ZNF616: variants seen among roughly 807,000 people sequenced by gnomAD.
ZNF616 encodes zinc finger protein 616.
ZNF616 carries 5 observed loss-of-function variants against 7.6 expected under a neutral mutation model. That is an observed-to-expected ratio of 0.66 (90% CI 0.34 to 1.38). ZNF616 has a LOEUF of 1.38. Ranked by LOEUF, ZNF616 falls within the 40% of genes most tolerant of loss-of-function variation. The pLI, the probability that ZNF616 is intolerant of heterozygous loss-of-function variation, is 0.04. For missense variants in ZNF616, 913 were observed against 948.3 expected (o/e 0.96, Z 0.49); for synonymous variants, 319 against 317.2 (o/e 1.01, Z -0.06).
At chr19:52,131,253 G>C (rs2088957722) in intron 1 of ZNF616, among the ~76,000 whole-genome samples, 1 of 114,344 alleles carries the variant, frequency 8.7e-6, no homozygotes, top group Non-Finnish European at 1.6e-5. Flanking sequence ...GGGCGACAGA[G>C]ACTCTGTCAC....
intron 2 of ZNF616, among the ~76,000 whole-genome samples, chr19:52,124,943 G>C (rs1401738918): frequency 2.6e-5 from 4 of 152,090 alleles, no homozygotes; most frequent in Non-Finnish European, 4.4e-5. Context: ...GAACTCCGTA[G>C]GATAAGCGTT....
chr19:52,124,655 T>C (rs73937273), intron 2 of ZNF616, among the ~76,000 whole-genome samples: 25,729 of 151,986 alleles, frequency 0.17, 2,873 homozygotes, highest in South Asian at 0.32. Context: ...AGAATTAGAG[T>C]TGAATCAAAA....
At position 52,115,714 on chromosome 19, in the gene ZNF616, G is replaced by C; in HGVS notation, c.1450C>G (p.Gln484Glu). 5.0e-6 allele frequency: 8 copies of C among 1,614,072 alleles called. No homozygotes were observed. The highest frequency in any genetic ancestry group is 6.8e-6 in the Non-Finnish European group (8 of 1,180,022). The change falls in exon 4 of 4, where the codon CAG (glutamine) becomes GAG (glutamate). Residue 484 changes from glutamine to glutamate, a missense_variant. Physicochemically the swap from Gln to Glu is conservative, Grantham distance 29. Transcript: ENST00000600228. ...FSIHSRLAAH[Q>E]RIHTGEKPYK... The stretch of plus-strand genomic sequence containing the variant: ...GGTTTCTCTCCAGTATGAATTCTCT[G>C]ATGAGCTGCAAGTCGTGAATGTATG...
At position 52,139,090 on chromosome 19, in the gene ZNF616, A is replaced by G. The variant is rs1161293998; in HGVS notation, c.-77+642T>C. Among the ~76,000 whole-genome samples, 1 of 151,434 alleles carries G rather than the reference A, an allele frequency of 6.6e-6. No homozygotes were observed. Among genetic ancestry groups the G allele is most frequent in the African/African-American group, 2.4e-5 (1 of 41,136 alleles). ...TTTGCCAGTACCTAAATTATCATCC[A>G]TTTTGCCGTGTACTCATTCTTTTCT... On this transcript the variant is annotated intron_variant, in intron 1 of 3. Transcript: ENST00000600228. The surrounding 1 kb of genome is among the most constrained non-coding windows in gnomAD (Gnocchi z 4.1).
chr19:52,124,076 G>T, intron 2 of ZNF616, 27 bp from the exon 3 acceptor site: 1 of 1,583,062 alleles, frequency 6.3e-7, no homozygotes, highest in Non-Finnish European at 8.5e-7. Flanking sequence ...ATTTCAAAAA[G>T]AAGCAATATG....
At position 52,116,097 on chromosome 19, in the gene ZNF616, T is replaced by A. The variant is rs748830511; in HGVS notation, c.1067A>T (p.Asp356Val). ...IHAGKKPYKC[D>V]VCGKAFRHRS... ...ATGTCTGAATGCCTTGCCACATACA[T>A]CACATTTATATGGTTTCTTTCCTGC... Residue 356 changes from aspartate to valine, a missense_variant, in exon 4 of 4, where the codon GAT (aspartate) becomes GTT (valine). By Grantham distance (152) the Asp-to-Val change is radical. Coordinates refer to ENST00000600228, the MANE Select transcript of ZNF616 (RefSeq NM_178523.5). 1.2e-6 allele frequency: 2 copies of A among 1,614,112 alleles called. No homozygotes were observed. Among genetic ancestry groups the A allele is most frequent in the South Asian group, 2.2e-5 (2 of 91,090 alleles).
At position 52,116,034 on chromosome 19, in the gene ZNF616, C is replaced by G; in HGVS notation, c.1130G>C (p.Gly377Ala). Residue 377 changes from glycine to alanine, a missense_variant, in exon 4 of 4, where the codon GGA becomes GCA. By Grantham distance (60) the Gly-to-Ala change is moderately conservative. Transcript: ENST00000600228. Reference sequence around the variant, plus strand: ...TTCATTGCATTTGTATTGTTTCTCTCCACTGTGGATTCTCCGGTGACATAC... The same window carrying G: ...TTCATTGCATTTGTATTGTTTCTCTGCACTGTGGATTCTCCGGTGACATAC... ...NLVCHRRIHS[G>A]EKQYKCNECG... is the part of the protein sequence containing the mutation. 1.2e-6 allele frequency: 2 copies of G among 1,614,198 alleles called. No individual in the cohort carries two copies. The highest frequency in any genetic ancestry group is 1.7e-6 in the Non-Finnish European group (2 of 1,180,042).
At chr19:52,128,649 G>C (rs576058084) in intron 2 of ZNF616, among the ~76,000 whole-genome samples, 1 of 150,848 alleles carries the variant, frequency 6.6e-6, no homozygotes, top group African/African-American at 2.4e-5. Flanking sequence ...GGCTTAGGCA[G>C]AAGAATCGCT....
intron 3 of ZNF616, among the ~76,000 whole-genome samples, chr19:52,118,707 G>A (rs1489460437): frequency 6.6e-6 from 1 of 152,144 alleles, no homozygotes; most frequent in East Asian, 1.9e-4. Flanking sequence ...AAGCCAATAT[G>A]CTATCTCATT....
At chr19:52,120,873 C>G (rs980502415) in intron 3 of ZNF616, among the ~76,000 whole-genome samples, 20 of 152,072 alleles carry the variant, frequency 1.3e-4, no homozygotes, top group African/African-American at 4.8e-4. Flanking sequence ...AAGACTTCAA[C>G]GGACCACTTT....
Position 52,115,000 on chromosome 19 carries a change from A to G in ZNF616, c.2164T>C (p.Cys722Arg), listed in dbSNP as rs2088804559. 7 of 1,614,236 alleles carry G rather than the reference A, an allele frequency of 4.3e-6. No homozygotes were observed. Among genetic ancestry groups the G allele is most frequent in the Non-Finnish European group, 5.1e-6 (6 of 1,180,024 alleles). Residue 722 changes from cysteine (C) to arginine (R), a missense_variant, in exon 4 of 4, where the codon TGT (cysteine) becomes CGT (arginine). By Grantham distance (180) the Cys-to-Arg change is radical. Coordinates refer to ENST00000600228, the MANE Select transcript of ZNF616 (RefSeq NM_178523.5). ...AACAACCGCCCAAAGGCTTTGCCACATTCAATACATTTGTATCTTTTCTCT... is the reference window on the plus strand; with the variant it reads ...AACAACCGCCCAAAGGCTTTGCCACGTTCAATACATTTGTATCTTTTCTCT... ...TGEKRYKCIE[C>R]GKAFGRLFSL...
In ZNF616 at chr19:52,139,088, C is replaced by G. The variant is rs1019476400; in HGVS notation, c.-77+644G>C. Among the ~76,000 whole-genome samples, 1 of 152,160 alleles carries G rather than the reference C, an allele frequency of 6.6e-6. No individual in the cohort carries two copies. The highest frequency in any genetic ancestry group is 1.5e-5 in the Non-Finnish European group (1 of 68,042). ...TCTTTGCCAGTACCTAAATTATCAT[C>G]CATTTTGCCGTGTACTCATTCTTTT... is the stretch of plus-strand genomic sequence containing the variant. On this transcript the variant is annotated intron_variant, in intron 1 of 3. Coordinates refer to ENST00000600228, the MANE Select transcript of ZNF616 (RefSeq NM_178523.5). The surrounding 1 kb of genome is among the most constrained non-coding windows in gnomAD (Gnocchi z 4.1).
At position 52,130,544 on chromosome 19, in the gene ZNF616, T is replaced by C. The variant is rs777815978; in HGVS notation, c.-32A>G. The C allele has an allele frequency of 2.8e-5, 44 of 1,599,444 alleles. No individual in the cohort carries two copies. In the South Asian group the frequency reaches 4.6e-4, roughly 17 times the overall value. ...CTCCTTTTCCTTCCTCTTCTTCCTC[T>C]TCTGGGTTTCTTTCTCAGTCAATGT... On this transcript the variant is annotated 5_prime_UTR_variant, in exon 2 of 4. Coordinates refer to ENST00000600228, the MANE Select transcript of ZNF616 (RefSeq NM_178523.5).
rs909418362 is a variant in ZNF616, at chr19:52,113,581, G to A, written c.*1237C>T. On this transcript the variant is annotated 3_prime_UTR_variant, in exon 4 of 4. Coordinates refer to ENST00000600228, the MANE Select transcript of ZNF616 (RefSeq NM_178523.5). ...CTGGTATTAAGGCAAAAATGCATTA[G>A]CTATTTGTCCTGATGCTCCACTTCC... 4.6e-5 allele frequency: 7 copies of A among 152,150 alleles called. No homozygotes were observed. The highest frequency in any genetic ancestry group is 1.7e-4 in the African/African-American group (7 of 41,438). The allele number at this position is 152,150 out of a possible 1,614,324, so 9.4% of individuals were successfully genotyped here. A position where few individuals can be genotyped will look rare whatever the true frequency, so the allele number is the denominator to read the frequency against.
Position 52,116,263 on chromosome 19 carries a change from G to A in ZNF616, c.901C>T (p.Leu301=). ...HTGEKPYKCN[L]CGKSFSQRVH... ...CGCTGACTAAAGGATTTCCCACACA[G>A]ATTACATTTGTAAGGTTTTTCACCG... Residue 301 remains leucine (L), a synonymous_variant, in exon 4 of 4, where the codon CTG becomes TTG. Coordinates refer to ENST00000600228, the MANE Select transcript of ZNF616 (RefSeq NM_178523.5). 6.2e-7 allele frequency: 1 copy of A among 1,613,920 alleles called. No homozygotes were observed. The highest frequency in any genetic ancestry group is 8.5e-7 in the Non-Finnish European group (1 of 1,179,964).
At chr19:52,130,664 G>C (rs2088950584) in intron 1 of ZNF616, 76 bp from the exon 2 acceptor site, 8 of 1,102,852 alleles carry the variant, frequency 7.3e-6, no homozygotes, top group Non-Finnish European at 1.0e-5. Context: ...TGCACACAGG[G>C]AAGAACTCAG....
chr19:52,135,462 T>C (rs1285996389), intron 1 of ZNF616, among the ~76,000 whole-genome samples: 1 of 152,184 alleles, frequency 6.6e-6, no homozygotes, highest in Non-Finnish European at 1.5e-5. Flanking sequence ...AAAATGCATC[T>C]ATAACCATCT....
chr19:52,115,057 G>A lies in ZNF616; in HGVS notation c.2107C>T (p.His703Tyr). 1.2e-6 allele frequency: 2 copies of A among 1,614,102 alleles called. No individual in the cohort carries two copies. The highest frequency in any genetic ancestry group is 2.2e-5 in the East Asian group (1 of 44,884). Residue 703 changes from histidine (H) to tyrosine (Y), a missense_variant, in exon 4 of 4, where the codon CAT becomes TAT. By Grantham distance (83) the His-to-Tyr change is moderately conservative. Transcript: ENST00000600228. ...ECGKVFRHSSHLVSHQRIHTG... is the reference protein window; with the variant it reads ...ECGKVFRHSSYLVSHQRIHTG... ...TGGATTCTCTGGTGACTTACAAGATGTGAACTATGCCTGAATACCTTGCCA... is the reference window on the plus strand; with the variant it reads ...TGGATTCTCTGGTGACTTACAAGATATGAACTATGCCTGAATACCTTGCCA...
chr19:52,132,442 C>T (rs1042272084), intron 1 of ZNF616, among the ~76,000 whole-genome samples: 3 of 152,032 alleles, frequency 2.0e-5, no homozygotes, highest in Admixed American at 6.6e-5. Flanking sequence ...GTGTCCCTGG[C>T]CCAAATCTCA....
Sources: allele counts gnomAD v4.1 joint callset (sites outside exome capture counted in the v4.1 genomes callset), GRCh38; gene constraint gnomAD v4.1.1; non-coding constraint Gnocchi (gnomAD v3.1); transcripts MANE v1.5; gene names NCBI Gene and HGNC (gene_info 2026-07-23, HGNC 2026-07-21).